The following LRBA variants were observed in gnomAD, a reference collection of about 807,000 sequenced individuals.
LRBA encodes the protein lipopolysaccharide-responsive and beige-like anchor protein.
In LRBA, 176 loss-of-function variants were observed where a neutral mutation model predicts 330.0. The ratio of observed to expected loss-of-function variants is 0.53; its 90% CI spans 0.47 to 0.60. The LOEUF (loss-of-function observed/expected upper bound fraction) is 0.60. Among genes scored for constraint, LRBA ranks in the 20% least tolerant of loss-of-function variants. The pLI is 0.00. For missense variants in LRBA, 3,259 were observed against 3,444.8 expected, an observed-to-expected ratio of 0.95 and a Z score of 1.35; for synonymous variants, 1,230 against 1,193.0, an observed-to-expected ratio of 1.03 and a Z score of -0.64.
At chr4:150,570,159 A>G (rs749582173) in intron 40 of LRBA, among the ~76,000 whole-genome samples, 15 of 152,150 alleles carry the variant, frequency 9.9e-5, no homozygotes, top group African/African-American at 2.9e-4. Context: ...TTACTTCAGA[A>G]AAGAAAATGT....
chr4:150,417,668 T>C (rs545963352), intron 46 of LRBA, among the ~76,000 whole-genome samples: 25 of 152,318 alleles, frequency 1.6e-4, no homozygotes, highest in Admixed American at 5.2e-4. Flanking sequence ...TTATAATGGA[T>C]GAATTTTAAG....
At chr4:150,363,296 G>A (rs1226758853) in intron 47 of LRBA, among the ~76,000 whole-genome samples, 1 of 152,068 alleles carries the variant, frequency 6.6e-6, no homozygotes, top group African/African-American at 2.4e-5. Context: ...TTACATATGG[G>A]TTCCTTGGCT....
At chr4:150,552,201 G>A (rs1766693429) in intron 40 of LRBA, among the ~76,000 whole-genome samples, 2 of 152,090 alleles carry the variant, frequency 1.3e-5, no homozygotes, top group Admixed American at 6.5e-5. Context: ...AACTGGGTAG[G>A]GAACCCCTGC....
chr4:150,321,148 G>T lies in LRBA; in HGVS notation c.7630+43C>A. 2 of 1,529,346 alleles carry T rather than the reference G, an allele frequency of 1.3e-6. No homozygotes were observed. The highest frequency in any genetic ancestry group is 1.8e-6 in the Non-Finnish European group (2 of 1,113,930). 94.7% of individuals were successfully genotyped at this position (1,529,346 alleles called of 1,614,324 possible). ...TATATTTAAGTGGGTATTACACAGT[G>T]TTCAGCAGTTACCATGCCTTATAAT... On this transcript the variant is annotated intron_variant, in intron 50 of 56. Coordinates refer to ENST00000651943, the MANE Select transcript of LRBA (RefSeq NM_001364905.1). The surrounding 1 kb of genome is among the most constrained non-coding windows in gnomAD (Gnocchi z 4.5).
intron 34 of LRBA, among the ~76,000 whole-genome samples, chr4:150,777,390 A>G (rs1015699972): frequency 5.9e-5 from 9 of 152,166 alleles, no homozygotes; most frequent in Non-Finnish European, 1.0e-4. Context: ...TAAAGAAAAA[A>G]AAAATTTTAA....
chr4:150,875,695 G>C lies in LRBA; in HGVS notation c.2166-2940C>G, dbSNP rs561887606. 9.2e-5 allele frequency among the ~76,000 whole-genome samples: 14 copies of C among 152,058 alleles called. No individual in the cohort carries two copies. The South Asian group carries it at 2.7e-3, about 29-fold the overall frequency. ...CCCTATGAAGACAGGGAAAGAGAAA[G>C]AAGACAAAAAAATAATAATAACATT... On this transcript the variant is annotated intron_variant, in intron 17 of 56. Coordinates refer to ENST00000651943, the MANE Select transcript of LRBA (RefSeq NM_001364905.1).
At chr4:150,889,136 A>T (rs1729223679) in intron 17 of LRBA, among the ~76,000 whole-genome samples, 1 of 152,162 alleles carries the variant, frequency 6.6e-6, no homozygotes, top group African/African-American at 2.4e-5. Context: ...AACTGATTAG[A>T]TGAGGTCCAG....
At chr4:150,640,200 T>C (rs1473829352) in intron 37 of LRBA, among the ~76,000 whole-genome samples, 4 of 151,976 alleles carry the variant, frequency 2.6e-5, no homozygotes, top group Non-Finnish European at 5.9e-5. Context: ...TTGTGTAAAG[T>C]AAGGTAAAAA....
chr4:150,594,696 T>C (rs929567709), intron 38 of LRBA, among the ~76,000 whole-genome samples: 2 of 152,052 alleles, frequency 1.3e-5, no homozygotes, highest in Middle Eastern at 3.2e-3. Flanking sequence ...TACATAAAAT[T>C]GGAGAAATCT....
At chr4:150,590,654 T>C (rs1313107450) in intron 39 of LRBA, 59 bp downstream of exon 39, 1 of 1,497,454 alleles carries the variant, frequency 6.7e-7, no homozygotes, top group Non-Finnish European at 9.2e-7. Flanking sequence ...AAAAAGTAAG[T>C]AATTATATGC....
chr4:150,445,580 T>A (rs1415245199), intron 44 of LRBA, among the ~76,000 whole-genome samples: 1 of 151,938 alleles, frequency 6.6e-6, no homozygotes, highest in Non-Finnish European at 1.5e-5. Context: ...GGATTCCAAA[T>A]CCATAAAGAT....
In LRBA at chr4:150,916,395, A is replaced by G. The variant is rs375883751; in HGVS notation, c.894+6T>C. The G allele has an allele frequency of 1.9e-4, 303 of 1,612,362 alleles. No individual in the cohort carries two copies. Among genetic ancestry groups the G allele is most frequent in the Non-Finnish European group, 2.4e-4 (284 of 1,179,398 alleles). On this transcript the variant is annotated splice_donor_region_variant and intron_variant, in intron 7 of 56. Transcript: ENST00000651943. ...AACATAACTATGACTCAAGAAGATCATGTACCTTTTGTGGCTTGAAATCAA... is the reference window on the plus strand; with the variant it reads ...AACATAACTATGACTCAAGAAGATCGTGTACCTTTTGTGGCTTGAAATCAA...
chr4:150,737,489 A>C lies in LRBA; in HGVS notation c.5646-2123T>G, dbSNP rs550120041. Among the ~76,000 whole-genome samples the C allele has an allele frequency of 2.3e-4, 35 of 150,062 alleles. No individual in the cohort carries two copies. In the South Asian group the frequency reaches 6.9e-3, roughly 30 times the overall value. ...AATGAACAAACGAATGAACGAACGA[A>C]GGAAAAAGAGAGAGAGAGAAAGGAA... On this transcript the variant is annotated intron_variant, in intron 35 of 56. Coordinates refer to ENST00000651943, the MANE Select transcript of LRBA (RefSeq NM_001364905.1).
rs1751008526 is a variant in LRBA, at chr4:150,435,613, AC to A, written c.7016del (p.Ser2339IlefsTer11). The A allele has an allele frequency of 6.2e-7, 1 of 1,612,784 alleles. No homozygotes were observed. Among genetic ancestry groups the A allele is most frequent in the Admixed American group, 1.7e-5 (1 of 59,700 alleles). ...CCTTAATATCAGAGGTATCACGCTG[AC>A]TGTTTCGCCAAGCTCTGGAAATTGA... ...FSSISRAWRN[S>X]QRDTSDIKEL... On this transcript the variant is annotated frameshift_variant, in exon 46 of 57. Coordinates refer to ENST00000651943, the MANE Select transcript of LRBA (RefSeq NM_001364905.1). LOFTEE classifies it high-confidence loss of function.
intron 35 of LRBA, among the ~76,000 whole-genome samples, chr4:150,748,956 C>T (rs1733147764): frequency 6.6e-6 from 1 of 152,154 alleles, no homozygotes; most frequent in Non-Finnish European, 1.5e-5. Context: ...GCCCTCATCA[C>T]ACACTGAAAC....
At chr4:150,557,491 C>CT (rs752512634) in intron 40 of LRBA, among the ~76,000 whole-genome samples, 299 of 143,944 alleles carry the variant, frequency 2.1e-3, no homozygotes, top group South Asian at 3.6e-3. Context: ...TTCTCTCAAG[C>CT]TTTTTTTTTT....
At chr4:150,695,618 TTGACCAATTTTTGATC>T (rs1279662096) in intron 36 of LRBA, among the ~76,000 whole-genome samples, 1 of 152,122 alleles carries the variant, frequency 6.6e-6, no homozygotes, top group Non-Finnish European at 1.5e-5. Flanking sequence ...GCACCAGGCC[TTGACCAATTTTTGATC>T]TGCAGTTAGT....
At chr4:150,962,487 C>A (rs1334549643) in intron 2 of LRBA, among the ~76,000 whole-genome samples, 1 of 149,330 alleles carries the variant, frequency 6.7e-6, no homozygotes, top group Non-Finnish European at 1.5e-5. Flanking sequence ...CACTGCAATC[C>A]AGCCTGGGTG....
rs1243504828 is a variant in LRBA, at chr4:150,683,572, G to C, written c.5900C>G (p.Ala1967Gly). Residue 1967 changes from alanine (A) to glycine (G), a missense_variant, in exon 37 of 57, where the codon GCC (alanine) becomes GGC (glycine). Ala to Gly is a moderately conservative substitution (Grantham distance 60). Transcript: ENST00000651943. ...TTACCTCACTGCAGAATTTCCCCAGGCTCCATGCTTGTCTGTGAGAATGTT... is the reference window on the plus strand; with the variant it reads ...TTACCTCACTGCAGAATTTCCCCAGCCTCCATGCTTGTCTGTGAGAATGTT... ...IINILTDKHG[A>G]WGNSAVSRPL... The C allele has an allele frequency of 2.5e-6, 4 of 1,613,684 alleles. No individual in the cohort carries two copies. The highest frequency in any genetic ancestry group is 3.4e-6 in the Non-Finnish European group (4 of 1,179,788).
Sources: allele counts gnomAD v4.1 joint callset (sites outside exome capture counted in the v4.1 genomes callset), GRCh38; gene constraint gnomAD v4.1.1; non-coding constraint Gnocchi (gnomAD v3.1); transcripts MANE v1.5; gene names NCBI Gene and HGNC (gene_info 2026-07-23, HGNC 2026-07-21).